The following UBE2R2 variants were observed in gnomAD, a reference collection of about 807,000 sequenced individuals.
UBE2R2 encodes ubiquitin-conjugating enzyme E2 R2.
In UBE2R2, 1 loss-of-function variant was observed where a neutral mutation model predicts 27.8. The observed-to-expected ratio is 0.04, with a 90% CI of 0.01 to 0.17. UBE2R2 has a LOEUF of 0.17. Among genes scored for constraint, UBE2R2 ranks in the 10% least tolerant of loss-of-function variants. The pLI is 1.00. For synonymous variants in UBE2R2, 106 were observed against 113.3 expected, an observed-to-expected ratio of 0.94 and a Z score of 0.41; for missense variants, 100 against 291.0, an observed-to-expected ratio of 0.34 and a Z score of 4.78.
At chr9:33,877,844 T>TCTCTCTCTCTCTCTCTCTCTCTCTCC in intron 1 of UBE2R2, among the ~76,000 whole-genome samples, 1 of 151,640 alleles carries the variant, frequency 6.6e-6, no homozygotes, top group South Asian at 2.1e-4. Context: ...TCTCTCTCTC[T>TCTCTCTCTCTCTCTCTCTCTCTCTCC]CTCTCCCACT....
At chr9:33,877,848 T>C (rs1003576872) in intron 1 of UBE2R2, among the ~76,000 whole-genome samples, 17 of 151,462 alleles carry the variant, frequency 1.1e-4, no homozygotes, top group African/African-American at 2.9e-4. Context: ...TCTCTCTCTC[T>C]CCCACTCTCC....
chr9:33,878,104 C>T (rs953640957), intron 1 of UBE2R2, among the ~76,000 whole-genome samples: 1 of 152,118 alleles, frequency 6.6e-6, no homozygotes, highest in Non-Finnish European at 1.5e-5. Context: ...CAGTTCTAAA[C>T]ATTGTTCAAG....
Position 33,881,576 on chromosome 9 carries a change from C to T in UBE2R2, c.178-5305C>T, listed in dbSNP as rs77743260. 4.6e-3 allele frequency among the ~76,000 whole-genome samples: 694 copies of T among 152,228 alleles called. 6 individuals carry two copies. The highest frequency in any genetic ancestry group is 0.016 in the African/African-American group (651 of 41,520). On this transcript the variant is annotated intron_variant, in intron 1 of 4. Coordinates refer to ENST00000263228, the MANE Select transcript of UBE2R2 (RefSeq NM_017811.4). ...CTCCTCCAGTCTTTGATGATTTCTC[C>T]GTCTTTCCTCATTTTTTGTGACCTT...
At chr9:33,828,633 C>T (rs180870457) in intron 1 of UBE2R2, among the ~76,000 whole-genome samples, 8 of 152,192 alleles carry the variant, frequency 5.3e-5, no homozygotes, top group Admixed American at 3.3e-4. Flanking sequence ...GCGAGCTCGG[C>T]TCACTGCAAT....
chr9:33,910,337 C>T (rs1303470711), intron 3 of UBE2R2, among the ~76,000 whole-genome samples: 2 of 151,970 alleles, frequency 1.3e-5, no homozygotes, highest in Admixed American at 6.6e-5. Flanking sequence ...TTAGTAGAGA[C>T]GGGGTTTCAC....
intron 3 of UBE2R2, among the ~76,000 whole-genome samples, chr9:33,907,010 G>A (rs569966599): frequency 2.0e-5 from 3 of 152,318 alleles, no homozygotes; most frequent in East Asian, 1.9e-4. Context: ...GAGCCTGGGG[G>A]CCGGGTGAGA....
chr9:33,826,753 A>G (rs1820324223), intron 1 of UBE2R2, among the ~76,000 whole-genome samples: 2 of 152,124 alleles, frequency 1.3e-5, no homozygotes, highest in South Asian at 2.1e-4. Context: ...AAACACCTTT[A>G]TTTGATTTAG....
intron 1 of UBE2R2, among the ~76,000 whole-genome samples, chr9:33,847,293 C>T (rs1181225232): frequency 1.3e-5 from 2 of 152,044 alleles, no homozygotes; most frequent in Non-Finnish European, 2.9e-5. Flanking sequence ...GGTGGGGTTT[C>T]AGCATGTTGG....
intron 1 of UBE2R2, among the ~76,000 whole-genome samples, chr9:33,843,541 T>C (rs1268239584): frequency 7.9e-5 from 12 of 151,838 alleles, no homozygotes; most frequent in Admixed American, 7.2e-4. Context: ...GGAAGTGGCA[T>C]GATCTCAGCT....
intron 1 of UBE2R2, among the ~76,000 whole-genome samples, 179 bp from the exon 2 acceptor site, chr9:33,886,702 G>A (rs1451287856): frequency 6.6e-6 from 1 of 150,732 alleles, no homozygotes; most frequent in Admixed American, 6.6e-5. Context: ...AAGGGGTGCT[G>A]TAAGAACTTA....
At chr9:33,876,637 CG>C (rs1295499646) in intron 1 of UBE2R2, among the ~76,000 whole-genome samples, 6 of 151,954 alleles carry the variant, frequency 3.9e-5, no homozygotes, top group African/African-American at 1.2e-4. Flanking sequence ...ATCATAAGGC[CG>C]GGGGCGGTGG....
chr9:33,919,746 A>G lies in UBE2R2; in HGVS notation c.*2509A>G, dbSNP rs187147993. 1 of 152,038 alleles carries G rather than the reference A, an allele frequency of 6.6e-6. No homozygotes were observed. Among genetic ancestry groups the G allele is most frequent in the East Asian group, 1.9e-4 (1 of 5,174 alleles). 9.4% of individuals were successfully genotyped at this position (152,038 alleles called of 1,614,324 possible). A position where few individuals can be genotyped will look rare whatever the true frequency, so the allele number is the denominator to read the frequency against. On this transcript the variant is annotated 3_prime_UTR_variant, in exon 5 of 5. Transcript: ENST00000263228. ...TGTAATTTTTTTTCCCCCTTCTGGG[A>G]GTGGAGGTCTCAGGCTCAATCCGGA... is the stretch of plus-strand genomic sequence containing the variant.
intron 1 of UBE2R2, among the ~76,000 whole-genome samples, chr9:33,838,889 C>T (rs943286500): frequency 4.0e-5 from 6 of 151,892 alleles, no homozygotes; most frequent in African/African-American, 1.4e-4. Context: ...TCGAGACCAG[C>T]TGGCCAACAT....
intron 1 of UBE2R2, among the ~76,000 whole-genome samples, chr9:33,844,515 A>ATTTTTTTTT (rs34578523): frequency 1.8e-5 from 2 of 110,170 alleles, no homozygotes; most frequent in African/African-American, 7.1e-5. Flanking sequence ...TCCCACATCT[A>ATTTTTTTTT]TTTTTTTTTT....
chr9:33,867,514 T>C (rs548133541), intron 1 of UBE2R2, among the ~76,000 whole-genome samples: 1 of 152,348 alleles, frequency 6.6e-6, no homozygotes, highest in East Asian at 1.9e-4. Context: ...TGGTTGTACC[T>C]GTTCTGCATT....
At chr9:33,845,062 C>G (rs184585227) in intron 1 of UBE2R2, among the ~76,000 whole-genome samples, 49 of 152,276 alleles carry the variant, frequency 3.2e-4, no homozygotes, top group African/African-American at 1.1e-3. Context: ...AGCCACCAAG[C>G]CCTGCCTTCA....
intron 1 of UBE2R2, among the ~76,000 whole-genome samples, chr9:33,865,241 G>C (rs895075764): frequency 6.6e-6 from 1 of 151,636 alleles, no homozygotes; most frequent in African/African-American, 2.4e-5. Context: ...TTGCTCTGTT[G>C]CCCAGGCTGG....
rs60526576 is a variant in UBE2R2, at chr9:33,911,402, CAAAAAAAAAAAAAAAAAAAA to C, written c.363-548_363-529del. On this transcript the variant is annotated intron_variant, in intron 3 of 4. Transcript: ENST00000263228. ...GGGGAACAAGAGTGAAACTCCATCT[CAAAAAAAAAAAAAAAAAAAA>C]AAAAAAAAAAAAACCTGGTTATATA... Among the ~76,000 whole-genome samples, 12 of 53,208 alleles carry C rather than the reference CAAAAAAAAAAAAAAAAAAAA, an allele frequency of 2.3e-4. 1 individual carries two copies. Among genetic ancestry groups the C allele is most frequent in the African/African-American group, 3.1e-4 (4 of 13,042 alleles). The allele number at this position is 53,208 out of a possible 152,430, so 34.9% of individuals were successfully genotyped here. A position where few individuals can be genotyped will look rare whatever the true frequency, so the allele number is the denominator to read the frequency against.
chr9:33,881,126 A>G (rs1195753535), intron 1 of UBE2R2, among the ~76,000 whole-genome samples: 4 of 152,226 alleles, frequency 2.6e-5, no homozygotes, highest in Non-Finnish European at 5.9e-5. Flanking sequence ...GTGCACACAC[A>G]GTTAATATTA....
Sources: allele counts gnomAD v4.1 joint callset (sites outside exome capture counted in the v4.1 genomes callset), GRCh38; gene constraint gnomAD v4.1.1; transcripts MANE v1.5; gene names NCBI Gene and HGNC (gene_info 2026-07-23, HGNC 2026-07-21).